Variants in MTHFD2L observed in about 807,000 individuals in gnomAD.
MTHFD2L encodes bifunctional methylenetetrahydrofolate dehydrogenase/cyclohydrolase 2, mitochondrial.
Under a neutral mutation model 34.9 loss-of-function variants are expected in MTHFD2L, and 29 were observed. That is an observed-to-expected ratio of 0.83 (90% CI 0.62 to 1.13). The LOEUF (loss-of-function observed/expected upper bound fraction) is 1.13. Among genes scored for constraint, MTHFD2L ranks in the 50% most tolerant of loss-of-function variants. The pLI is 0.00. For missense variants in MTHFD2L, 481 were observed against 446.5 expected (o/e 1.08, Z -0.70); for synonymous variants, 167 against 155.7 (o/e 1.07, Z -0.54).
At position 74,257,615 on chromosome 4, in the gene MTHFD2L, T is replaced by A. The variant is rs879406446; in HGVS notation, c.806-23810T>A. On this transcript the variant is annotated intron_variant, in intron 6 of 7. Coordinates refer to ENST00000325278, the MANE Select transcript of MTHFD2L (RefSeq NM_001144978.3). The stretch of plus-strand genomic sequence containing the variant: ...AACTTTAGCAAACCTAAATATGTAA[T>A]ATAAAGCAAATATTAACAGAACTGA... Among the ~76,000 whole-genome samples the A allele has an allele frequency of 3.3e-5, 5 of 152,144 alleles. 1 individual carries two copies. The highest frequency in any genetic ancestry group is 1.2e-4 in the African/African-American group (5 of 41,434).
chr4:74,256,393 G>T lies in MTHFD2L; in HGVS notation c.806-25032G>T, dbSNP rs548450314. Among the ~76,000 whole-genome samples, 43 of 152,216 alleles carry T rather than the reference G, an allele frequency of 2.8e-4. No homozygotes were observed. In the South Asian group the frequency reaches 5.4e-3, roughly 19 times the overall value. ...CTCCCAAAGGGCTGGGATTACAGGTGTGAGCCACCATGCCCAGCCTCAATG... is the reference window on the plus strand; with the variant it reads ...CTCCCAAAGGGCTGGGATTACAGGTTTGAGCCACCATGCCCAGCCTCAATG... On this transcript the variant is annotated intron_variant, in intron 6 of 7. Coordinates refer to ENST00000325278, the MANE Select transcript of MTHFD2L (RefSeq NM_001144978.3).
chr4:74,282,379 A>C (rs1008823462), intron 7 of MTHFD2L, among the ~76,000 whole-genome samples: 2 of 152,180 alleles, frequency 1.3e-5, no homozygotes, highest in Admixed American at 6.6e-5. Flanking sequence ...ACAGTGCCAC[A>C]TCAAGAACTT....
chr4:74,193,727 C>T (rs578167626), intron 3 of MTHFD2L, among the ~76,000 whole-genome samples: 3 of 152,270 alleles, frequency 2.0e-5, no homozygotes, highest in South Asian at 4.1e-4. Flanking sequence ...CTGATAGTTA[C>T]TACTTGTATC....
At chr4:74,273,684 A>G (rs1186628055) in intron 6 of MTHFD2L, among the ~76,000 whole-genome samples, 1 of 152,214 alleles carries the variant, frequency 6.6e-6, no homozygotes, top group Non-Finnish European at 1.5e-5. Context: ...GTTATGGTAC[A>G]AATACATGTA....
chr4:74,242,013 A>AAT (rs1491144399), intron 6 of MTHFD2L: 7 of 152,796 alleles, frequency 4.6e-5, no homozygotes, highest in Admixed American at 1.3e-4. Flanking sequence ...AACATGAGGG[A>AAT]CCCTTTTGAT....
intron 3 of MTHFD2L, among the ~76,000 whole-genome samples, chr4:74,189,070 A>T (rs1441035925): frequency 1.3e-5 from 2 of 152,098 alleles, no homozygotes; most frequent in Non-Finnish European, 2.9e-5. Flanking sequence ...GGTTAAATAT[A>T]GATTAAGGTT....
intron 1 of MTHFD2L, among the ~76,000 whole-genome samples, chr4:74,164,237 A>G (rs915760014): frequency 4.6e-5 from 7 of 152,222 alleles, no homozygotes; most frequent in African/African-American, 1.7e-4. Context: ...AGTCGTGAAT[A>G]AAGATGAGAT....
chr4:74,129,491 C>G (rs754277566), intron 1 of MTHFD2L, among the ~76,000 whole-genome samples: 1 of 151,832 alleles, frequency 6.6e-6, no homozygotes, highest in African/African-American at 2.4e-5. Context: ...TCCCGGATAA[C>G]TAAATGAAAC....
intron 7 of MTHFD2L, among the ~76,000 whole-genome samples, chr4:74,293,893 C>A (rs1353756326): frequency 6.6e-6 from 1 of 152,184 alleles, no homozygotes; most frequent in South Asian, 2.1e-4. Flanking sequence ...GAAAATACTT[C>A]AAGCATTTAA....
chr4:74,117,048 T>G (rs967837567), intron 2 of MTHFD2L, among the ~76,000 whole-genome samples: 4 of 152,254 alleles, frequency 2.6e-5, no homozygotes, highest in African/African-American at 9.6e-5. Context: ...GTAACAATAT[T>G]CTATAACTCC....
intron 6 of MTHFD2L, chr4:74,267,318 TC>T: frequency 5.3e-6 from 4 of 753,114 alleles, no homozygotes; most frequent in Non-Finnish European, 6.5e-6. Flanking sequence ...TCTTTCTTTC[TC>T]TTTCTCTCTT....
rs137856619 is a variant in MTHFD2L, at chr4:74,171,468, C to A, written c.144-3038C>A. On this transcript the variant is annotated intron_variant, in intron 1 of 7. Coordinates refer to ENST00000325278, the MANE Select transcript of MTHFD2L (RefSeq NM_001144978.3). ...TTTAACGTATTTAAACATACACTTA[C>A]GATGTGACCTAGCCATTCCCCTTTG... 3.6e-3 allele frequency among the ~76,000 whole-genome samples: 546 copies of A among 152,250 alleles called. 2 individuals carry two copies. Among genetic ancestry groups the A allele is most frequent in the African/African-American group, 0.012 (514 of 41,560 alleles).
chr4:74,301,636 A>G (rs1198450140), intron 7 of MTHFD2L, 61 bp from the exon 8 acceptor site: 1 of 1,044,752 alleles, frequency 9.6e-7, no homozygotes, highest in East Asian at 2.7e-5. Context: ...CATGTTTAAA[A>G]ATATTAAAAT....
At chr4:74,241,617 ATCCACC>A in intron 6 of MTHFD2L, 1 of 439,838 alleles carries the variant, frequency 2.3e-6, no homozygotes, top group Non-Finnish European at 4.6e-6. Context: ...AACTCAAGCG[ATCCACC>A]TGCCTCAGCT....
chr4:74,149,738 ATTC>A (rs1450452911), intron 1 of MTHFD2L, among the ~76,000 whole-genome samples: 2 of 152,218 alleles, frequency 1.3e-5, no homozygotes, highest in Admixed American at 6.5e-5. Flanking sequence ...GTTCAGGAAT[ATTC>A]TTCTTGTTGT....
At chr4:74,179,401 T>C (rs1180109852) in intron 3 of MTHFD2L, among the ~76,000 whole-genome samples, 1 of 152,108 alleles carries the variant, frequency 6.6e-6, no homozygotes, top group Non-Finnish European at 1.5e-5. Flanking sequence ...TTTTTATTCA[T>C]AATTTCTTTT....
At chr4:74,191,348 A>G (rs568697714) in intron 3 of MTHFD2L, among the ~76,000 whole-genome samples, 5 of 150,936 alleles carry the variant, frequency 3.3e-5, no homozygotes, top group Middle Eastern at 3.4e-3. Flanking sequence ...CTATTAGCAT[A>G]AAACTTTACC....
At chr4:74,237,723 C>G (rs1047294588) in intron 6 of MTHFD2L, among the ~76,000 whole-genome samples, 1 of 152,146 alleles carries the variant, frequency 6.6e-6, no homozygotes, top group African/African-American at 2.4e-5. Flanking sequence ...CTCATTCAGC[C>G]TTAGATTCTC....
At chr4:74,213,912 A>G (rs969315685) in intron 5 of MTHFD2L, among the ~76,000 whole-genome samples, 1 of 148,898 alleles carries the variant, frequency 6.7e-6, no homozygotes, top group Non-Finnish European at 1.5e-5. Context: ...CTTCCTTTTC[A>G]TTCTTTTTTC....
Sources: allele counts gnomAD v4.1 joint callset (sites outside exome capture counted in the v4.1 genomes callset), GRCh38; gene constraint gnomAD v4.1.1; transcripts MANE v1.5; gene names NCBI Gene and HGNC (gene_info 2026-07-23, HGNC 2026-07-21).